KIAA0513: variants seen among roughly 807,000 people sequenced by gnomAD.
KIAA0513 encodes the protein uncharacterized protein KIAA0513.
In KIAA0513, 39 loss-of-function variants were observed where a neutral mutation model predicts 56.5. The ratio of observed to expected loss-of-function variants is 0.69; its 90% CI spans 0.53 to 0.90. The LOEUF is 0.90. Among genes scored for constraint, KIAA0513 ranks in the 40% least tolerant of loss-of-function variants. The pLI is 0.00. For synonymous variants in KIAA0513, 268 were observed against 215.6 expected (o/e 1.24, Z -2.13); for missense variants, 591 against 535.2 (o/e 1.10, Z -1.03).
chr16:85,045,074 C>T (rs1324199681), intron 1 of KIAA0513, among the ~76,000 whole-genome samples: 3 of 152,042 alleles, frequency 2.0e-5, no homozygotes, highest in Non-Finnish European at 4.4e-5. Context: ...GCTGAGATTG[C>T]ACCACTGCAC....
In KIAA0513 at chr16:85,027,838, C is replaced by A. The variant is rs2072908793; in HGVS notation, c.-193C>A. 1 of 152,132 alleles carries A rather than the reference C, an allele frequency of 6.6e-6. No individual in the cohort carries two copies. Among genetic ancestry groups the A allele is most frequent in the African/African-American group, 2.4e-5 (1 of 41,444 alleles). 9.4% of individuals were successfully genotyped at this position (152,132 alleles called of 1,614,324 possible). On this transcript the variant is annotated 5_prime_UTR_variant, in exon 1 of 13. Transcript: ENST00000683363. Reference sequence around the variant, plus strand: ...GAGTCTGACGGCGCCGGTTCGCTGCCCGGTCCGCCCGCGGTGAGAGGTGCG... The same window carrying A: ...GAGTCTGACGGCGCCGGTTCGCTGCACGGTCCGCCCGCGGTGAGAGGTGCG...
intron 1 of KIAA0513, among the ~76,000 whole-genome samples, chr16:85,034,381 A>G (rs2073007127): frequency 6.6e-6 from 1 of 152,182 alleles, no homozygotes; most frequent in Middle Eastern, 3.2e-3. Context: ...GCTCCATCTC[A>G]ATAAACAGCG....
At chr16:85,061,787 G>A (rs2073408663) in intron 1 of KIAA0513, among the ~76,000 whole-genome samples, 2 of 152,208 alleles carry the variant, frequency 1.3e-5, no homozygotes, top group Non-Finnish European at 1.5e-5. Context: ...TTCTACAGCT[G>A]GAGGCTGCTG....
At chr16:85,062,447 C>G (rs1156800530) in intron 1 of KIAA0513, among the ~76,000 whole-genome samples, 1 of 152,150 alleles carries the variant, frequency 6.6e-6, no homozygotes, top group Non-Finnish European at 1.5e-5. Context: ...AGTGTAACCG[C>G]AGGGGGGTTG....
intron 2 of KIAA0513, among the ~76,000 whole-genome samples, chr16:85,070,710 T>C (rs1327878890): frequency 6.6e-6 from 1 of 152,238 alleles, no homozygotes; most frequent in African/African-American, 2.4e-5. Context: ...AATGCATTTA[T>C]GTTTAATTTG....
intron 1 of KIAA0513, among the ~76,000 whole-genome samples, chr16:85,052,332 C>G (rs951884546): frequency 1.4e-5 from 1 of 70,432 alleles, no homozygotes; most frequent in African/African-American, 1.0e-4. Flanking sequence ...CAAAAAGCAA[C>G]AACAACAACA....
chr16:85,075,273 G>A (rs1429257982), intron 4 of KIAA0513, among the ~76,000 whole-genome samples: 1 of 151,960 alleles, frequency 6.6e-6, no homozygotes, highest in African/African-American at 2.4e-5. Flanking sequence ...ATTGTCCAAG[G>A]TTAAAACCCA....
chr16:85,085,159 A>T (rs920431475), intron 10 of KIAA0513, among the ~76,000 whole-genome samples: 2 of 152,206 alleles, frequency 1.3e-5, no homozygotes, highest in Non-Finnish European at 2.9e-5. Flanking sequence ...GACAACCCTC[A>T]GGGTGGCTGT....
intron 1 of KIAA0513, among the ~76,000 whole-genome samples, chr16:85,055,214 G>T (rs555031660): frequency 6.6e-6 from 1 of 151,952 alleles, no homozygotes; most frequent in Non-Finnish European, 1.5e-5. Flanking sequence ...ATGAGCCACC[G>T]CCCCCAGCCT....
intron 10 of KIAA0513, among the ~76,000 whole-genome samples, chr16:85,085,067 G>A (rs1321351798): frequency 3.3e-5 from 5 of 152,226 alleles, no homozygotes; most frequent in Admixed American, 2.0e-4. Context: ...AGACGTTCCC[G>A]TGTGGTCTGG....
intron 6 of KIAA0513, 141 bp from the exon 7 acceptor site, chr16:85,078,274 G>A: frequency 1.3e-6 from 1 of 779,836 alleles, no homozygotes; most frequent in East Asian, 2.7e-5. Context: ...GACAAATAGA[G>A]CCTTGATTTC....
intron 1 of KIAA0513, among the ~76,000 whole-genome samples, chr16:85,050,157 A>C (rs12597553): frequency 4.6e-5 from 7 of 151,062 alleles, no homozygotes; most frequent in African/African-American, 1.7e-4. Flanking sequence ...CCTGAAACTC[A>C]AGGGCCCAGC....
At chr16:85,066,358 C>T (rs1234633159) in intron 1 of KIAA0513, among the ~76,000 whole-genome samples, 1 of 152,148 alleles carries the variant, frequency 6.6e-6, no homozygotes, top group African/African-American at 2.4e-5. Context: ...GTCCAGATGG[C>T]AAATGTTGTG....
At chr16:85,087,905 G>T (rs1416198646) in intron 12 of KIAA0513, among the ~76,000 whole-genome samples, 1 of 152,258 alleles carries the variant, frequency 6.6e-6, no homozygotes, top group African/African-American at 2.4e-5. Flanking sequence ...CAAGGGGGAT[G>T]CTGCCACCTC....
chr16:85,086,950 G>A (rs1184557421), intron 11 of KIAA0513, 122 bp from the exon 12 acceptor site: 27 of 977,510 alleles, frequency 2.8e-5, no homozygotes, highest in Middle Eastern at 2.2e-4. Flanking sequence ...GCAGCAGTGC[G>A]TTTTAGTTTC....
intron 10 of KIAA0513, among the ~76,000 whole-genome samples, chr16:85,083,831 C>T (rs1267901151): frequency 6.6e-6 from 1 of 152,214 alleles, no homozygotes; most frequent in Non-Finnish European, 1.5e-5. Flanking sequence ...CCCCAGGCAA[C>T]CTCATGCTTC....
At chr16:85,064,929 C>T (rs28562645) in intron 1 of KIAA0513, among the ~76,000 whole-genome samples, 10,955 of 152,264 alleles carry the variant, frequency 0.072, 1,289 homozygotes, top group African/African-American at 0.24. Context: ...AGGTGATCCA[C>T]CCGCGTCAGC....
At chr16:85,048,009 A>G (rs934627111) in intron 1 of KIAA0513, among the ~76,000 whole-genome samples, 10 of 152,318 alleles carry the variant, frequency 6.6e-5, no homozygotes, top group Middle Eastern at 3.4e-3. Context: ...CTGTGGAGTA[A>G]CCATAAGGAA....
chr16:85,062,887 A>G lies in KIAA0513; in HGVS notation c.-172-4013A>G, dbSNP rs1281058028. ...GAGTGGCCATGACCTTGTCCTGCCTAGAGGCCCACAATGACCTTTCCTTCT... is the reference window on the plus strand; with the variant it reads ...GAGTGGCCATGACCTTGTCCTGCCTGGAGGCCCACAATGACCTTTCCTTCT... On this transcript the variant is annotated intron_variant, in intron 1 of 12. Coordinates refer to ENST00000683363, the MANE Select transcript of KIAA0513 (RefSeq NM_001388359.1). 2.6e-5 allele frequency among the ~76,000 whole-genome samples: 4 copies of G among 152,138 alleles called. No homozygotes were observed. In the East Asian group the frequency reaches 7.7e-4, roughly 29 times the overall value.
Sources: allele counts gnomAD v4.1 joint callset (sites outside exome capture counted in the v4.1 genomes callset), GRCh38; gene constraint gnomAD v4.1.1; transcripts MANE v1.5; gene names NCBI Gene and HGNC (gene_info 2026-07-23, HGNC 2026-07-21).